LRRC37A: variants seen among roughly 807,000 people sequenced by gnomAD.
LRRC37A encodes leucine rich repeat containing 37A.
A neutral mutation model predicts 35.4 loss-of-function variants in LRRC37A; 3 were observed. The ratio of observed to expected loss-of-function variants is 0.08; its 90% CI spans 0.04 to 0.22. LRRC37A has a LOEUF of 0.22. Ranked by LOEUF, LRRC37A falls within the 10% of genes least tolerant of loss-of-function variation. The probability of loss-of-function intolerance (pLI) is 1.00; values close to 1 mark genes in which losing one functional copy is unlikely to be tolerated. For synonymous variants in LRRC37A, 23 were observed against 215.0 expected (o/e 0.11, Z 7.81); for missense variants, 67 against 565.3 (o/e 0.12, Z 8.94).
At chr17:46,261,296 C>T in the LRRC37A span, among the ~76,000 whole-genome samples, 1 of 152,230 alleles carries the variant, frequency 6.6e-6, no homozygotes, top group Admixed American at 6.5e-5. Flanking sequence ...CATAGGCTAT[C>T]AGTCTCCCAG....
the LRRC37A span, among the ~76,000 whole-genome samples, chr17:46,272,900 G>C: frequency 6.6e-6 from 1 of 152,104 alleles, no homozygotes; most frequent in Non-Finnish European, 1.5e-5. Context: ...TTTTTAATTT[G>C]GCAATGCTAA....
the LRRC37A span, among the ~76,000 whole-genome samples, chr17:46,266,092 T>C: frequency 5.3e-5 from 8 of 152,246 alleles, no homozygotes; most frequent in Non-Finnish European, 8.8e-5. Flanking sequence ...AGCAGTGACT[T>C]GGTGTCTCTA....
At chr17:46,263,112 C>T in the LRRC37A span, among the ~76,000 whole-genome samples, 3 of 151,958 alleles carry the variant, frequency 2.0e-5, no homozygotes, top group South Asian at 2.1e-4. Flanking sequence ...ACTCTGGAGG[C>T]GAAGGAGGGA....
the LRRC37A span, among the ~76,000 whole-genome samples, chr17:46,254,572 C>G: frequency 2.0e-5 from 3 of 150,996 alleles, no homozygotes. Context: ...GACGCAGTCT[C>G]ATTTTGTTGC....
chr17:46,278,410 TTGTTG>T, the LRRC37A span, among the ~76,000 whole-genome samples: 14 of 106,516 alleles, frequency 1.3e-4, no homozygotes, highest in African/African-American at 3.8e-4. Context: ...TGTTTTTTTT[TTGTTG>T]TTGTTTTAAG....
the LRRC37A span, among the ~76,000 whole-genome samples, chr17:46,265,279 C>T: frequency 4.1e-5 from 4 of 98,180 alleles, no homozygotes; most frequent in Admixed American, 2.4e-4. Context: ...TCTTCTTCTT[C>T]TTCTTCTTCT....
intron 1 of LRRC37A, among the ~76,000 whole-genome samples, chr17:46,298,650 G>A (rs1441179787): frequency 9.0e-5 from 8 of 88,850 alleles, no homozygotes; most frequent in African/African-American, 2.6e-4. Context: ...CGTGAACCTG[G>A]GAGGCAGAGC....
the LRRC37A span, among the ~76,000 whole-genome samples, chr17:46,269,072 T>C: frequency 6.6e-6 from 1 of 152,274 alleles, no homozygotes; most frequent in African/African-American, 2.4e-5. Context: ...ATATCATGTA[T>C]CAAACCTGAT....
chr17:46,288,650 G>A (rs957428853), upstream of LRRC37A, among the ~76,000 whole-genome samples: 2 of 151,666 alleles, frequency 1.3e-5, no homozygotes, highest in African/African-American at 4.8e-5. Context: ...ACGACCAGAG[G>A]TCACTTTCGT....
chr17:46,267,893 CTTTTT>C, the LRRC37A span, among the ~76,000 whole-genome samples: 6 of 89,250 alleles, frequency 6.7e-5, no homozygotes, highest in Non-Finnish European at 7.8e-5. Flanking sequence ...ACTCCCACAT[CTTTTT>C]TTTTTTTTTT....
At chr17:46,250,836 CCTT>C in the LRRC37A span, among the ~76,000 whole-genome samples, 3 of 152,196 alleles carry the variant, frequency 2.0e-5, no homozygotes, top group Non-Finnish European at 4.4e-5. Flanking sequence ...TTCTTCTTCT[CCTT>C]CTCCTTGTCC....
chr17:46,266,516 T>C, the LRRC37A span, among the ~76,000 whole-genome samples: 1 of 152,186 alleles, frequency 6.6e-6, no homozygotes, highest in African/African-American at 2.4e-5. Flanking sequence ...CCCCAAAGGC[T>C]GCCCCTCATT....
chr17:46,256,760 T>C, the LRRC37A span, among the ~76,000 whole-genome samples: 3 of 152,154 alleles, frequency 2.0e-5, no homozygotes, highest in African/African-American at 7.2e-5. Flanking sequence ...CCCTAAGACC[T>C]GGTTAATGGA....
intron 5 of LRRC37A, among the ~76,000 whole-genome samples, chr17:46,321,381 TGTG>T (rs2051364269): frequency 1.2e-4 from 1 of 8,344 alleles, no homozygotes; most frequent in Non-Finnish European, 2.2e-4. Context: ...AAAAAAAAAA[TGTG>T]GTCTCTGCCC....
the LRRC37A span, among the ~76,000 whole-genome samples, chr17:46,280,441 A>C: frequency 8.5e-5 from 13 of 152,298 alleles, no homozygotes; most frequent in African/African-American, 3.1e-4. Flanking sequence ...TGGGAGGCCA[A>C]GGTTGGCGGG....
At chr17:46,291,288 A>G (rs918693846), upstream of LRRC37A, among the ~76,000 whole-genome samples, 1 of 152,244 alleles carries the variant, frequency 6.6e-6, no homozygotes, top group African/African-American at 2.4e-5. Flanking sequence ...AAGTGAGAGT[A>G]AAATATAAAA....
At chr17:46,250,500 A>G in the LRRC37A span, among the ~76,000 whole-genome samples, 1 of 152,220 alleles carries the variant, frequency 6.6e-6, no homozygotes, top group Non-Finnish European at 1.5e-5. Context: ...CAGCAAGGCT[A>G]GAATATAAGC....
At chr17:46,335,621 T>C in intron 11 of LRRC37A, 27 bp downstream of exon 11, 1 of 181,638 alleles carries the variant, frequency 5.5e-6, no homozygotes, top group East Asian at 3.1e-5. Flanking sequence ...TGATTTTTTT[T>C]TTCTTCTCTT....
chr17:46,274,335 T>A, the LRRC37A span, among the ~76,000 whole-genome samples: 5 of 152,344 alleles, frequency 3.3e-5, no homozygotes, highest in Non-Finnish European at 5.9e-5. Context: ...TGGTGTGGAG[T>A]AATTGACAAA....
Sources: allele counts gnomAD v4.1 joint callset (sites outside exome capture counted in the v4.1 genomes callset), GRCh38; gene constraint gnomAD v4.1.1; transcripts MANE v1.5; gene names NCBI Gene and HGNC (gene_info 2026-07-23, HGNC 2026-07-21).